TANK: variants seen among roughly 807,000 people sequenced by gnomAD.
TANK encodes the protein TRAF family member associated NFKB activator.
TANK carries 15 observed loss-of-function variants against 43.6 expected under a neutral mutation model. The observed-to-expected ratio is 0.34, with a 90% confidence interval of 0.23 to 0.53. TANK has a LOEUF of 0.53. Ranked by LOEUF, TANK falls within the 20% of genes least tolerant of loss-of-function variation. The pLI is 0.94. For synonymous variants in TANK, 162 were observed against 178.2 expected, an observed-to-expected ratio of 0.91 and a Z score of 0.73; for missense variants, 417 against 498.6, an observed-to-expected ratio of 0.84 and a Z score of 1.56.
intron 2 of TANK, among the ~76,000 whole-genome samples, chr2:161,202,239 G>T (rs1334696880): frequency 2.1e-5 from 3 of 144,682 alleles, no homozygotes; most frequent in African/African-American, 7.8e-5. Flanking sequence ...GCCCAGGCTG[G>T]AGTGCAGTGG....
chr2:161,225,823 T>G (rs1359106540), intron 6 of TANK, among the ~76,000 whole-genome samples: 1 of 152,192 alleles, frequency 6.6e-6, no homozygotes, highest in Non-Finnish European at 1.5e-5. Flanking sequence ...GTAAATTCAC[T>G]TTTTGCTACT....
rs1363557797 is a variant in TANK at position 161,209,376 on chromosome 2, A to G, written c.327+4583A>G. Among the ~76,000 whole-genome samples the G allele has an allele frequency of 2.0e-5, 3 of 152,216 alleles. No homozygotes were observed. The South Asian group carries it at 6.2e-4, about 32-fold the overall frequency. On this transcript the variant is annotated intron_variant, in intron 4 of 7. Coordinates refer to ENST00000392749, the MANE Select transcript of TANK (RefSeq NM_001199135.3). ...TTTTCAGACATAGTAACTTATGTCC[A>G]TGTTAGCAGTTACTATTTAAATAAC...
intron 6 of TANK, 83 bp downstream of exon 6, chr2:161,224,829 GC>G: frequency 1.2e-6 from 1 of 841,546 alleles, no homozygotes; most frequent in Non-Finnish European, 1.8e-6. Context: ...ATTCCTGAAT[GC>G]CTATTAAGTG....
At chr2:161,155,617 T>C (rs567121099), upstream of TANK, among the ~76,000 whole-genome samples, 3 of 152,356 alleles carry the variant, frequency 2.0e-5, no homozygotes, top group Middle Eastern at 3.4e-3. Context: ...TGTTATTCTA[T>C]TCAGCTTTTG....
At chr2:161,220,671 GA>G (rs1687301775) in intron 4 of TANK, among the ~76,000 whole-genome samples, 1 of 152,034 alleles carries the variant, frequency 6.6e-6, no homozygotes, top group Admixed American at 6.6e-5. Flanking sequence ...AAATTTTTAA[GA>G]AAAAATATGG....
chr2:161,203,047 A>G (rs900205689), intron 2 of TANK: 1 of 233,688 alleles, frequency 4.3e-6, no homozygotes, highest in African/African-American at 2.4e-5. Context: ...GTGTTTGTGT[A>G]CTCTAAAAAT....
intron 6 of TANK, among the ~76,000 whole-genome samples, chr2:161,227,761 G>A (rs1415275462): frequency 6.6e-6 from 1 of 152,160 alleles, no homozygotes; most frequent in African/African-American, 2.4e-5. Flanking sequence ...TCAACAGTTG[G>A]TTTTCCTGAT....
intron 1 of TANK, 37 bp downstream of exon 1, chr2:161,160,523 C>T: frequency 1.6e-6 from 2 of 1,282,212 alleles, no homozygotes; most frequent in Non-Finnish European, 2.0e-6. Flanking sequence ...GTGTCCGAAT[C>T]CGTCAAGCAC....
chr2:161,216,589 C>G, intron 4 of TANK: 1 of 161,282 alleles, frequency 6.2e-6, no homozygotes, highest in South Asian at 1.2e-4. Context: ...TCTTTCTTGG[C>G]CAAAAAAAAA....
intron 2 of TANK, 53 bp from the exon 3 acceptor site, chr2:161,203,434 A>G: frequency 8.4e-7 from 1 of 1,192,476 alleles, no homozygotes; most frequent in Non-Finnish European, 1.2e-6. Flanking sequence ...GATGGTAAAT[A>G]TATGTTCATG....
At chr2:161,185,141 A>G (rs2105307624) in intron 2 of TANK, among the ~76,000 whole-genome samples, 1 of 152,312 alleles carries the variant, frequency 6.6e-6, no homozygotes, top group South Asian at 2.1e-4. Context: ...AAAAATCATT[A>G]AGGAAACTAA....
intron 2 of TANK, chr2:161,180,050 A>G: frequency 9.6e-7 from 1 of 1,036,284 alleles, no homozygotes. Context: ...TTTATAAATA[A>G]GGAGGAAATA....
chr2:161,229,109 T>C (rs948906143), intron 6 of TANK, among the ~76,000 whole-genome samples: 1 of 152,224 alleles, frequency 6.6e-6, no homozygotes, highest in Non-Finnish European at 1.5e-5. Context: ...GAGAAACTTA[T>C]GTCCAAGCCA....
chr2:161,182,451 C>T (rs1052960603), intron 2 of TANK, among the ~76,000 whole-genome samples: 4 of 152,240 alleles, frequency 2.6e-5, no homozygotes, highest in South Asian at 4.1e-4. Flanking sequence ...GCTCACAGAA[C>T]TCAGGGGAAC....
intron 2 of TANK, chr2:161,180,255 T>C (rs1473492706): frequency 2.7e-6 from 1 of 373,290 alleles, no homozygotes; most frequent in Non-Finnish European, 3.7e-6. Flanking sequence ...GTGAAATCTT[T>C]AATGACTTAC....
upstream of TANK, among the ~76,000 whole-genome samples, chr2:161,157,446 T>C (rs1025590613): frequency 6.6e-6 from 1 of 152,166 alleles, no homozygotes; most frequent in Non-Finnish European, 1.5e-5. Context: ...AGTTCTCATG[T>C]TTTTCTGATT....
chr2:161,191,803 C>CT (rs752275743), intron 2 of TANK, among the ~76,000 whole-genome samples: 90 of 151,814 alleles, frequency 5.9e-4, no homozygotes, highest in Middle Eastern at 6.8e-3. Flanking sequence ...CACTATTTTT[C>CT]TTTTTTTTGA....
intron 2 of TANK, among the ~76,000 whole-genome samples, chr2:161,199,055 T>C (rs116471659): frequency 0.01 from 1,584 of 152,320 alleles, 23 homozygotes; most frequent in African/African-American, 0.037. Context: ...TGTATTTTAA[T>C]TAGATTGTGT....
intron 2 of TANK, among the ~76,000 whole-genome samples, chr2:161,180,995 A>C (rs1205660723): frequency 6.6e-6 from 1 of 151,970 alleles, no homozygotes; most frequent in East Asian, 1.9e-4. Flanking sequence ...TTCATTGTAA[A>C]TCTCATTGTA....
Sources: gnomAD v4.1 joint callset for allele counts (sites outside exome capture counted in the v4.1 genomes callset) on GRCh38, gnomAD v4.1.1 for gene constraint, MANE v1.5 for transcripts, NCBI Gene and HGNC (gene_info 2026-07-23, HGNC 2026-07-21) for gene names.